Variants in DCDC1 observed in about 807,000 individuals in gnomAD.
DCDC1 encodes doublecortin domain containing 1.
In DCDC1, 200 loss-of-function variants were observed where a neutral mutation model predicts 178.3. That is an observed-to-expected ratio of 1.12 (90% CI 1.00 to 1.26). The LOEUF (loss-of-function observed/expected upper bound fraction) is 1.26. Ranked by LOEUF, DCDC1 falls within the 50% of genes most tolerant of loss-of-function variation. DCDC1 has a pLI of 0.00. For synonymous variants in DCDC1, 690 were observed against 604.8 expected, an observed-to-expected ratio of 1.14 and a Z score of -2.07; for missense variants, 1,983 against 1,749.2, an observed-to-expected ratio of 1.13 and a Z score of -2.38.
At chr11:31,191,630 G>A (rs1970141732) in intron 9 of DCDC1, among the ~76,000 whole-genome samples, 1 of 151,984 alleles carries the variant, frequency 6.6e-6, no homozygotes, top group Non-Finnish European at 1.5e-5. Context: ...GGTGGTAGGG[G>A]GTGGGAAATG....
intron 20 of DCDC1, among the ~76,000 whole-genome samples, chr11:31,015,963 A>G (rs758775608): frequency 3.3e-5 from 5 of 152,228 alleles, no homozygotes; most frequent in Non-Finnish European, 5.9e-5. Context: ...ACCATAAAAA[A>G]TACACTCCAT....
chr11:30,893,036 C>T (rs1172632509), intron 35 of DCDC1, 39 bp from the exon 36 acceptor site: 6 of 1,605,930 alleles, frequency 3.7e-6, no homozygotes, highest in Non-Finnish European at 5.1e-6. Context: ...GTTTAGAGAA[C>T]TGTCTGGATA....
chr11:30,977,015 C>A (rs1950139972), intron 20 of DCDC1, among the ~76,000 whole-genome samples: 1 of 152,052 alleles, frequency 6.6e-6, no homozygotes. Context: ...AAAATGAAAT[C>A]ATGTCATTTG....
At chr11:31,238,682 T>C (rs999563118) in intron 9 of DCDC1, among the ~76,000 whole-genome samples, 1 of 152,096 alleles carries the variant, frequency 6.6e-6, no homozygotes, top group Non-Finnish European at 1.5e-5. Context: ...TTAACTACAT[T>C]TCATAGGAAT....
intron 6 of DCDC1, among the ~76,000 whole-genome samples, chr11:31,300,043 A>T (rs908520971): frequency 1.3e-5 from 2 of 152,056 alleles, no homozygotes; most frequent in African/African-American, 4.8e-5. Context: ...TTTTTAGTAG[A>T]GATGGGATTT....
chr11:31,014,283 A>C, intron 20 of DCDC1, among the ~76,000 whole-genome samples: 1 of 142,138 alleles, frequency 7.0e-6, no homozygotes, highest in African/African-American at 2.6e-5. Context: ...TTCATCACTC[A>C]CCCTAGGGGA....
chr11:31,127,637 C>A lies in DCDC1; in HGVS notation c.1317G>T (p.Val439=). ...AKEHHKEQEE[V]SRLIDELQTA... Reference sequence around the variant, plus strand: ...TCTGCAATTCATCAATCAGCCTGCTCACCTGAAGGGGTTAAATTACAAGAG... The same window carrying A: ...TCTGCAATTCATCAATCAGCCTGCTAACCTGAAGGGGTTAAATTACAAGAG... Residue 439 remains valine (V), a splice_region_variant and synonymous_variant, in exon 11 of 39, where the codon GTG becomes GTT. Coordinates refer to ENST00000684477, the MANE Select transcript of DCDC1 (RefSeq NM_001387274.1). 1 of 702,142 alleles carries A rather than the reference C, an allele frequency of 1.4e-6. No homozygotes were observed. Among genetic ancestry groups the A allele is most frequent in the South Asian group, 1.5e-5 (1 of 67,488 alleles). The allele number at this position is 702,142 out of a possible 1,614,324, so 43.5% of individuals were successfully genotyped here. A position where few individuals can be genotyped will look rare whatever the true frequency, so the allele number is the denominator to read the frequency against.
At chr11:31,172,689 AT>A (rs1967404136) in intron 9 of DCDC1, among the ~76,000 whole-genome samples, 2 of 152,292 alleles carry the variant, frequency 1.3e-5, no homozygotes, top group African/African-American at 4.8e-5. Context: ...AGAAAAGAAA[AT>A]TATATTAAGA....
intron 21 of DCDC1, among the ~76,000 whole-genome samples, chr11:30,940,650 C>T (rs570691016): frequency 6.6e-6 from 1 of 152,228 alleles, no homozygotes; most frequent in Non-Finnish European, 1.5e-5. Flanking sequence ...TTATCTTAAT[C>T]AGTTTTGACA....
chr11:30,951,853 T>C (rs1858039), intron 21 of DCDC1, among the ~76,000 whole-genome samples: 71,661 of 151,850 alleles, frequency 0.47, 18,294 homozygotes, highest in Middle Eastern at 0.6. Flanking sequence ...CCAGGACAAA[T>C]AGAAAGCACA....
chr11:31,183,949 AT>A lies in DCDC1; in HGVS notation c.1222-46166del, dbSNP rs757791102. ...TAGAAAAACCTACTTTAAAGTTCAT[AT>A]GGAACCAAAAAAGAGACCATATAGC... is the stretch of plus-strand genomic sequence containing the variant. On this transcript the variant is annotated intron_variant, in intron 9 of 38. Transcript: ENST00000684477. 7.2e-5 allele frequency among the ~76,000 whole-genome samples: 11 copies of A among 152,326 alleles called. No homozygotes were observed. The East Asian group carries it at 2.1e-3, about 29-fold the overall frequency.
At chr11:31,149,544 CACGCTGTGG>C (rs1964920961) in intron 9 of DCDC1, among the ~76,000 whole-genome samples, 1 of 152,150 alleles carries the variant, frequency 6.6e-6, no homozygotes, top group African/African-American at 2.4e-5. Flanking sequence ...GGTTGGCTTC[CACGCTGTGG>C]AAGCTTTGTT....
intron 9 of DCDC1, among the ~76,000 whole-genome samples, chr11:31,217,707 A>C (rs1023055809): frequency 2.6e-5 from 4 of 152,174 alleles, no homozygotes; most frequent in Admixed American, 6.5e-5. Context: ...ATATTTTAAA[A>C]ATAAGAAGTA....
chr11:31,255,388 G>A (rs1170734873), intron 8 of DCDC1, among the ~76,000 whole-genome samples: 1 of 152,144 alleles, frequency 6.6e-6, no homozygotes, highest in Non-Finnish European at 1.5e-5. Context: ...GTTTTCCAAA[G>A]TGGCTGCACC....
intron 9 of DCDC1, among the ~76,000 whole-genome samples, chr11:31,144,679 G>A (rs1964247533): frequency 6.6e-6 from 1 of 151,832 alleles, no homozygotes; most frequent in Non-Finnish European, 1.5e-5. Flanking sequence ...TTTTTTCTAT[G>A]TATTTTCTTT....
At chr11:31,140,361 G>A (rs1190879802) in intron 9 of DCDC1, among the ~76,000 whole-genome samples, 1 of 152,124 alleles carries the variant, frequency 6.6e-6, no homozygotes, top group Admixed American at 6.6e-5. Context: ...ACCATGTAGG[G>A]GAGGAGGAAA....
chr11:31,135,172 T>G (rs1254660519), intron 10 of DCDC1, among the ~76,000 whole-genome samples: 1 of 152,172 alleles, frequency 6.6e-6, no homozygotes, highest in Non-Finnish European at 1.5e-5. Flanking sequence ...ATCTCAGATT[T>G]TATGATGTTT....
intron 9 of DCDC1, among the ~76,000 whole-genome samples, chr11:31,216,571 G>T (rs183316017): frequency 2.6e-5 from 4 of 152,286 alleles, no homozygotes; most frequent in Admixed American, 2.0e-4. Flanking sequence ...ACAAGCAGAT[G>T]TCATAAAATC....
At chr11:30,981,474 G>A (rs1381159602) in intron 20 of DCDC1, among the ~76,000 whole-genome samples, 1 of 152,140 alleles carries the variant, frequency 6.6e-6, no homozygotes, top group Non-Finnish European at 1.5e-5. Context: ...TAAATGTGAT[G>A]TTATTGTTAA....
Sources: allele counts gnomAD v4.1 joint callset (sites outside exome capture counted in the v4.1 genomes callset), GRCh38; gene constraint gnomAD v4.1.1; transcripts MANE v1.5; gene names NCBI Gene and HGNC (gene_info 2026-07-23, HGNC 2026-07-21).